The following NGLY1 variants were observed in gnomAD, a reference collection of about 807,000 sequenced individuals.
The protein encoded by NGLY1 is N-glycanase 1.
NGLY1 carries 68 observed loss-of-function variants against 84.6 expected under a neutral mutation model. That is an observed-to-expected ratio of 0.80 (90% CI 0.66 to 0.98). The LOEUF (loss-of-function observed/expected upper bound fraction) is 0.98. Ranked by LOEUF, NGLY1 falls within the 50% of genes least tolerant of loss-of-function variation. The pLI, the probability that NGLY1 is intolerant of heterozygous loss-of-function variation, is 0.00. For synonymous variants in NGLY1, 280 were observed against 275.2 expected (o/e 1.02, Z -0.17); for missense variants, 779 against 770.2 (o/e 1.01, Z -0.14).
chr3:25,774,639 T>C (rs1708068907), intron 2 of NGLY1, among the ~76,000 whole-genome samples: 1 of 152,164 alleles, frequency 6.6e-6, no homozygotes, highest in Admixed American at 6.5e-5. Context: ...ACTCCCACCA[T>C]GCTCCACCAA....
chr3:25,749,405 A>G, intron 4 of NGLY1: 1 of 787,982 alleles, frequency 1.3e-6, no homozygotes, highest in Non-Finnish European at 2.2e-6. Context: ...CATAAACAGG[A>G]CATTATTCAC....
At position 25,719,247 on chromosome 3, in the gene NGLY1, C is replaced by T. The variant is rs545085476; in HGVS notation, c.*213G>A. On this transcript the variant is annotated 3_prime_UTR_variant, in exon 12 of 12. Transcript: ENST00000280700. Reference sequence around the variant, plus strand: ...ATATTGAGTCAACAAGACTTTACTCCAAATTATAGTCACATATGGAAGAAA... The same window carrying T: ...ATATTGAGTCAACAAGACTTTACTCTAAATTATAGTCACATATGGAAGAAA... 9 of 388,210 alleles carry T rather than the reference C, an allele frequency of 2.3e-5. No individual in the cohort carries two copies. In the East Asian group the frequency reaches 3.4e-4, roughly 15 times the overall value. 24.0% of individuals were successfully genotyped at this position (388,210 alleles called of 1,614,324 possible). A position where few individuals can be genotyped will look rare whatever the true frequency, so the allele number is the denominator to read the frequency against.
intron 5 of NGLY1, among the ~76,000 whole-genome samples, chr3:25,737,841 G>A (rs991494284): frequency 6.6e-6 from 1 of 152,102 alleles, no homozygotes; most frequent in Non-Finnish European, 1.5e-5. Flanking sequence ...ACTGCGCCCG[G>A]CCTTTAATTT....
chr3:25,768,713 T>C (rs1462656594), intron 2 of NGLY1, among the ~76,000 whole-genome samples: 2 of 151,650 alleles, frequency 1.3e-5, no homozygotes, highest in Non-Finnish European at 2.9e-5. Flanking sequence ...GCCCGGCTAA[T>C]TTTTTGTATT....
intron 3 of NGLY1, among the ~76,000 whole-genome samples, chr3:25,761,030 TA>T (rs1707301234): frequency 6.6e-6 from 1 of 152,110 alleles, no homozygotes; most frequent in South Asian, 2.1e-4. Flanking sequence ...CATTATCTGA[TA>T]ATATATGACT....
chr3:25,726,981 C>G (rs1190497925), intron 10 of NGLY1, among the ~76,000 whole-genome samples: 1 of 152,166 alleles, frequency 6.6e-6, no homozygotes. Flanking sequence ...TTCTAAAACT[C>G]TGAAAGCAGG....
chr3:25,782,459 C>A (rs906199648), intron 1 of NGLY1, among the ~76,000 whole-genome samples: 3 of 152,134 alleles, frequency 2.0e-5, no homozygotes, highest in Non-Finnish European at 4.4e-5. Context: ...ATCATTTGAT[C>A]TGAAGAGTTG....
Position 25,753,832 on chromosome 3 carries a change from T to C in NGLY1, c.493-2569A>G, listed in dbSNP as rs529430321. On this transcript the variant is annotated intron_variant, in intron 3 of 11. Coordinates refer to ENST00000280700, the MANE Select transcript of NGLY1 (RefSeq NM_018297.4). ...TAAACATCTTAGCAATTAGAATAAA[T>C]GTGAATGGGTTAAATGTGCATATTG... is the stretch of plus-strand genomic sequence containing the variant. Among the ~76,000 whole-genome samples, 13 of 152,230 alleles carry C rather than the reference T, an allele frequency of 8.5e-5. No homozygotes were observed. In the South Asian group the frequency reaches 2.5e-3, roughly 29 times the overall value.
At chr3:25,743,087 C>A (rs1020836182) in intron 4 of NGLY1, among the ~76,000 whole-genome samples, 8 of 151,922 alleles carry the variant, frequency 5.3e-5, no homozygotes, top group African/African-American at 1.9e-4. Flanking sequence ...GCCTTAAGAC[C>A]AGACTGTTGC....
In NGLY1 at chr3:25,737,421, A is replaced by G. The variant is rs376459511; in HGVS notation, c.916T>C (p.Cys306Arg). 2.5e-6 allele frequency: 4 copies of G among 1,613,152 alleles called. No homozygotes were observed. In the African/African-American group the frequency reaches 5.3e-5, roughly 22 times the overall value. The change falls in exon 6 of 12, where the codon TGT (cysteine) becomes CGT (arginine). Residue 306 changes from cysteine (C) to arginine (R), a missense_variant. Physicochemically the swap from Cys to Arg is radical, Grantham distance 180 (BLOSUM62 -3). Transcript: ENST00000280700. Reference sequence around the variant, plus strand: ...TTGGCCCACTCGCCACACCGTCCACATCTTGTTTCCAAAAGTTTCTCAGGG... The same window carrying G: ...TTGGCCCACTCGCCACACCGTCCACGTCTTGTTTCCAAAAGTTTCTCAGGG... ...NNPEKLLETR[C>R]GRCGEWANCF...
At chr3:25,749,642 C>G in intron 4 of NGLY1, 2 of 1,462,982 alleles carry the variant, frequency 1.4e-6, no homozygotes, top group African/African-American at 2.8e-5. Context: ...GTTCAAGAGC[C>G]AGATCTTGAT....
At chr3:25,775,485 A>G (rs1708114419) in intron 2 of NGLY1, among the ~76,000 whole-genome samples, 1 of 152,234 alleles carries the variant, frequency 6.6e-6, no homozygotes, top group South Asian at 2.1e-4. Context: ...TGTCATTTGC[A>G]TCATCATGGA....
chr3:25,769,906 A>G (rs1214143034), intron 2 of NGLY1, among the ~76,000 whole-genome samples: 1 of 152,074 alleles, frequency 6.6e-6, no homozygotes, highest in Non-Finnish European at 1.5e-5. Flanking sequence ...CACTCAACTA[A>G]AAGTATAGTC....
chr3:25,763,437 C>A (rs1707409226), intron 3 of NGLY1, among the ~76,000 whole-genome samples: 1 of 152,184 alleles, frequency 6.6e-6, no homozygotes, highest in South Asian at 2.1e-4. Context: ...CCAACCTTAA[C>A]TGCAAAACTG....
chr3:25,723,646 C>T (rs945931850), intron 10 of NGLY1, among the ~76,000 whole-genome samples: 3 of 151,532 alleles, frequency 2.0e-5, no homozygotes, highest in Non-Finnish European at 2.9e-5. Context: ...AAAAAGCAAA[C>T]ATTCACTTGT....
chr3:25,785,600 G>A (rs201906805), upstream of NGLY1, among the ~76,000 whole-genome samples: 2 of 151,142 alleles, frequency 1.3e-5, no homozygotes, highest in African/African-American at 4.9e-5. Flanking sequence ...TTGGGAGGCC[G>A]AGGTAGGTGG....
At chr3:25,728,104 C>T (rs1376569094) in intron 10 of NGLY1, among the ~76,000 whole-genome samples, 1 of 152,034 alleles carries the variant, frequency 6.6e-6, no homozygotes, top group African/African-American at 2.4e-5. Context: ...GTTACTAATA[C>T]AAAAATACCT....
Position 25,783,164 on chromosome 3 carries a change from C to T in NGLY1, c.131+96G>A. On this transcript the variant is annotated intron_variant, in intron 1 of 11. Coordinates refer to ENST00000280700, the MANE Select transcript of NGLY1 (RefSeq NM_018297.4). The surrounding 1 kb of genome is among the most constrained non-coding windows in gnomAD (Gnocchi z 4.5). Reference sequence around the variant, plus strand: ...CCCGGTCTGTCCGGGCGTCGCTGCCCTCTGAAGCTCAGGCCGGACGCCCCA... The same window carrying T: ...CCCGGTCTGTCCGGGCGTCGCTGCCTTCTGAAGCTCAGGCCGGACGCCCCA... 1.7e-6 allele frequency: 2 copies of T among 1,195,188 alleles called. No individual in the cohort carries two copies. The highest frequency in any genetic ancestry group is 2.4e-6 in the Non-Finnish European group (2 of 831,060). 74.0% of individuals were successfully genotyped at this position (1,195,188 alleles called of 1,614,324 possible).
rs2125442722 is a variant in NGLY1 at position 25,720,017 on chromosome 3, CTGTCAGTTCTACTTGTGCTGTA to C, written c.1764_1785del (p.Asp588GlufsTer24). On this transcript the variant is annotated frameshift_variant, in exon 11 of 12. Transcript: ENST00000280700. LOFTEE classifies it high-confidence loss of function. Reference sequence around the variant, plus strand: ...AATTCTCCAGGCAAATGCTTACCGCCTGTCAGTTCTACTTGTGCTGTATCAGATCGCAATTTCCATTCTACTG... The same window carrying C: ...AATTCTCCAGGCAAATGCTTACCGCCTCAGATCGCAATTTCCATTCTACTG... 3 of 1,608,586 alleles carry C rather than the reference CTGTCAGTTCTACTTGTGCTGTA, an allele frequency of 1.9e-6. No individual in the cohort carries two copies. Among genetic ancestry groups the C allele is most frequent in the Non-Finnish European group, 2.6e-6 (3 of 1,176,466 alleles).
Sources: allele counts gnomAD v4.1 joint callset (sites outside exome capture counted in the v4.1 genomes callset), GRCh38; gene constraint gnomAD v4.1.1; non-coding constraint Gnocchi (gnomAD v3.1); transcripts MANE v1.5; gene names NCBI Gene and HGNC (gene_info 2026-07-23, HGNC 2026-07-21).